Variants in ANOS1 observed in about 807,000 individuals in gnomAD.
ANOS1 encodes anosmin 1.
ANOS1 carries 6 observed loss-of-function variants against 59.0 expected under a neutral mutation model. The observed-to-expected ratio is 0.10, with a 90% CI of 0.06 to 0.20. The LOEUF (loss-of-function observed/expected upper bound fraction) is 0.20, where lower values mean the gene tolerates loss of function less well. Ranked by LOEUF, ANOS1 falls within the 10% of genes least tolerant of loss-of-function variation. The pLI, the probability that ANOS1 is intolerant of heterozygous loss-of-function variation, is 1.00. For missense variants in ANOS1, 433 were observed against 542.3 expected (o/e 0.80, Z 2.00); for synonymous variants, 217 against 223.4 (o/e 0.97, Z 0.25).
At chrX:8,551,158 A>G (rs1199220619) in intron 9 of ANOS1, among the ~76,000 whole-genome samples, 3 of 111,771 alleles carry the variant, frequency 2.7e-5, no homozygotes, top group Non-Finnish European at 5.6e-5. Flanking sequence ...CTTTTTCCTT[A>G]TAAATTACCC....
chrX:8,570,720 A>G lies in ANOS1; in HGVS notation c.857-16T>C, dbSNP rs1467712045. The G allele has an allele frequency of 8.4e-7, 1 of 1,192,515 alleles. No individual in the cohort carries two copies. Among genetic ancestry groups the G allele is most frequent in the Non-Finnish European group, 1.1e-6 (1 of 879,146 alleles). ...GCAGATGGATCTGAAATCCCAGTAC[A>G]AAGACACATCATATGACTCCACAAA... On this transcript the variant is annotated splice_polypyrimidine_tract_variant and intron_variant, in intron 6 of 13. Transcript: ENST00000262648.
intron 8 of ANOS1, among the ~76,000 whole-genome samples, chrX:8,561,284 A>ATTTAT (rs905818962): frequency 9.0e-6 from 1 of 111,278 alleles, no homozygotes; most frequent in Non-Finnish European, 1.9e-5. Context: ...ACTGAGAATC[A>ATTTAT]TTTATTTTAT....
intron 2 of ANOS1, among the ~76,000 whole-genome samples, chrX:8,654,390 C>T (rs977862908): frequency 8.9e-6 from 1 of 112,533 alleles, no homozygotes; most frequent in Admixed American, 9.4e-5. Context: ...AGGTCTATCT[C>T]TATTCCATTC....
chrX:8,608,144 A>C (rs753091388), intron 3 of ANOS1, among the ~76,000 whole-genome samples: 1 of 112,081 alleles, frequency 8.9e-6, no homozygotes, highest in Non-Finnish European at 1.9e-5. Flanking sequence ...ACTTTCTTCA[A>C]AATATTAAAG....
At chrX:8,581,175 G>A (rs1289112772) in intron 6 of ANOS1, among the ~76,000 whole-genome samples, 3 of 111,155 alleles carry the variant, frequency 2.7e-5, no homozygotes, top group Non-Finnish European at 5.7e-5. Context: ...TGTTGTGGGA[G>A]GGACCCAGGG....
chrX:8,606,356 T>C (rs1471340553), intron 3 of ANOS1, among the ~76,000 whole-genome samples: 1 of 111,975 alleles, frequency 8.9e-6, no homozygotes, highest in Non-Finnish European at 1.9e-5. Context: ...GAATTTGCTG[T>C]GATAAAACTA....
intron 2 of ANOS1, among the ~76,000 whole-genome samples, chrX:8,673,035 A>G (rs1932281447): frequency 8.9e-6 from 1 of 111,778 alleles, no homozygotes; most frequent in African/African-American, 3.2e-5. Flanking sequence ...ACATCATAGT[A>G]TAAAAGAGAA....
At chrX:8,566,358 T>A in intron 8 of ANOS1, 1 of 453,070 alleles carries the variant, frequency 2.2e-6, no homozygotes, top group Non-Finnish European at 2.7e-6. Flanking sequence ...TGTGTGTGTG[T>A]ATGAGTATGT....
At chrX:8,619,215 T>C (rs77791602) in intron 3 of ANOS1, among the ~76,000 whole-genome samples, 14,821 of 110,754 alleles carry the variant, frequency 0.13, 1,502 homozygotes, top group African/African-American at 0.33. Context: ...AAAAACTTGA[T>C]ACATGAAAAT....
At chrX:8,619,406 C>G (rs192422980) in intron 3 of ANOS1, among the ~76,000 whole-genome samples, 4 of 111,156 alleles carry the variant, frequency 3.6e-5, no homozygotes, top group Non-Finnish European at 7.5e-5. Context: ...GAGATGGAGA[C>G]CATCCTGGCC....
intron 9 of ANOS1, among the ~76,000 whole-genome samples, chrX:8,540,402 T>C (rs1316862112): frequency 9.0e-6 from 1 of 111,294 alleles, no homozygotes; most frequent in Admixed American, 9.6e-5. Context: ...TGATCCCTAC[T>C]GAAATATGAC....
chrX:8,533,536 A>G (rs868328290), intron 13 of ANOS1, among the ~76,000 whole-genome samples: 1 of 111,904 alleles, frequency 8.9e-6, no homozygotes, highest in African/African-American at 3.3e-5. Context: ...TAAAAAAATC[A>G]GAGTTAAAAC....
chrX:8,597,289 A>C (rs1422956746), intron 3 of ANOS1, 33 bp from the exon 4 acceptor site: 1 of 1,107,712 alleles, frequency 9.0e-7, no homozygotes, highest in Non-Finnish European at 1.2e-6. Context: ...AAAATATTCC[A>C]TTAAAGACAC....
chrX:8,555,781 A>G (rs1929940161), intron 8 of ANOS1, among the ~76,000 whole-genome samples: 1 of 112,620 alleles, frequency 8.9e-6, no homozygotes, highest in African/African-American at 3.2e-5. Flanking sequence ...AGGAGCTGGT[A>G]TCATTCCTTC....
At chrX:8,690,676 G>A (rs1932592401) in intron 2 of ANOS1, among the ~76,000 whole-genome samples, 1 of 111,688 alleles carries the variant, frequency 9.0e-6, no homozygotes, top group Non-Finnish European at 1.9e-5. Context: ...GTGTTTCAGA[G>A]GTTTGGCCCT....
At chrX:8,535,282 G>C in intron 12 of ANOS1, 1 of 297,270 alleles carries the variant, frequency 3.4e-6, no homozygotes, top group Non-Finnish European at 6.0e-6. Flanking sequence ...TTGGACCAGA[G>C]AGACATGAGG....
At chrX:8,657,391 G>A (rs192142519) in intron 2 of ANOS1, among the ~76,000 whole-genome samples, 1 of 110,927 alleles carries the variant, frequency 9.0e-6, no homozygotes, top group East Asian at 2.8e-4. Flanking sequence ...AAACCTGAGG[G>A]TGGTTTTGAG....
Position 8,539,521 on chromosome X carries a change from A to T in ANOS1, c.1449+143T>A, listed in dbSNP as rs904536791. On this transcript the variant is annotated intron_variant, in intron 10 of 13. Transcript: ENST00000262648. ...GATAAAAGAATGAGTGAATATAATG[A>T]CCATTCTGCTTTCCACTTCCATCAA... 5.5e-6 allele frequency: 5 copies of T among 916,141 alleles called. No individual in the cohort carries two copies. The African/African-American group carries it at 7.9e-5, about 14-fold the overall frequency. The allele number at this position is 916,141 out of a possible 1,213,427, so 75.5% of individuals were successfully genotyped here.
chrX:8,559,955 G>A (rs1411714316), intron 8 of ANOS1, among the ~76,000 whole-genome samples: 1 of 111,818 alleles, frequency 8.9e-6, no homozygotes, highest in African/African-American at 3.3e-5. Context: ...CACGCACATG[G>A]TAGCTGCCTA....
Sources: allele counts gnomAD v4.1 joint callset (sites outside exome capture counted in the v4.1 genomes callset), GRCh38; gene constraint gnomAD v4.1.1; transcripts MANE v1.5; gene names NCBI Gene and HGNC (gene_info 2026-07-23, HGNC 2026-07-21).